Variants in ATL2 observed in about 807,000 individuals in gnomAD.
ATL2 encodes the protein atlastin GTPase 2, also known as atlastin-2.
ATL2 carries 31 observed loss-of-function variants against 73.9 expected under a neutral mutation model. The ratio of observed to expected loss-of-function variants is 0.42; its 90% CI spans 0.32 to 0.57. The LOEUF is 0.57. Ranked by LOEUF, ATL2 falls within the 20% of genes least tolerant of loss-of-function variation. ATL2 has a pLI of 0.14. For missense variants in ATL2, 738 were observed against 702.6 expected (o/e 1.05, Z -0.57); for synonymous variants, 291 against 237.5 (o/e 1.23, Z -2.07).
intron 1 of ATL2, among the ~76,000 whole-genome samples, chr2:38,375,507 C>G (rs1323816224): frequency 6.6e-6 from 1 of 152,156 alleles, no homozygotes; most frequent in African/African-American, 2.4e-5. Context: ...AGAGTATCAT[C>G]TCTTCTCAAG....
chr2:38,317,330 A>C (rs182527485), intron 4 of ATL2, among the ~76,000 whole-genome samples: 1 of 152,288 alleles, frequency 6.6e-6, no homozygotes, highest in East Asian at 1.9e-4. Flanking sequence ...TTTTTCAGAG[A>C]TGTATCAGCC....
chr2:38,367,929 G>A (rs572878776), intron 1 of ATL2, among the ~76,000 whole-genome samples: 4 of 150,058 alleles, frequency 2.7e-5, no homozygotes, highest in African/African-American at 7.4e-5. Context: ...CACCACGCCC[G>A]GCCTAAAACA....
chr2:38,298,024 A>G, intron 12 of ATL2, 120 bp downstream of exon 12: 1 of 909,874 alleles, frequency 1.1e-6, no homozygotes, highest in Non-Finnish European at 1.7e-6. Context: ...TGAACAAAAC[A>G]GAAGACATCC....
intron 7 of ATL2, 23 bp from the exon 8 acceptor site, chr2:38,310,470 G>T: frequency 6.3e-7 from 1 of 1,575,300 alleles, no homozygotes; most frequent in Non-Finnish European, 8.6e-7. Flanking sequence ...AGAGACAGGT[G>T]AAATTGTAAA....
intron 9 of ATL2, among the ~76,000 whole-genome samples, chr2:38,307,732 T>C (rs537516464): frequency 6.6e-6 from 1 of 151,980 alleles, no homozygotes; most frequent in East Asian, 2.0e-4. Context: ...AACCAGACTA[T>C]ATAAGGAGTT....
At chr2:38,353,265 T>C (rs1670463168) in intron 1 of ATL2, among the ~76,000 whole-genome samples, 1 of 151,978 alleles carries the variant, frequency 6.6e-6, no homozygotes, top group Non-Finnish European at 1.5e-5. Flanking sequence ...TAGAAACTAT[T>C]AAAAAACAAA....
intron 1 of ATL2, among the ~76,000 whole-genome samples, chr2:38,368,251 T>A (rs114207388): frequency 0.12 from 18,319 of 150,062 alleles, 3,266 homozygotes; most frequent in African/African-American, 0.4. Context: ...TAAGGACTTT[T>A]TTTTTTTTTT....
intron 12 of ATL2, among the ~76,000 whole-genome samples, chr2:38,296,970 A>T (rs990183750): frequency 7.9e-5 from 12 of 152,340 alleles, no homozygotes; most frequent in Admixed American, 2.0e-4. Flanking sequence ...AAAATAGCTA[A>T]TTTTTTCTTA....
intron 7 of ATL2, among the ~76,000 whole-genome samples, chr2:38,311,802 A>G (rs1013203612): frequency 4.6e-5 from 7 of 152,234 alleles, no homozygotes; most frequent in Non-Finnish European, 7.3e-5. Flanking sequence ...GAATATATGT[A>G]TAACATTTCA....
chr2:38,377,113 C>A, intron 1 of ATL2, 30 bp downstream of exon 1: 2 of 1,597,686 alleles, frequency 1.3e-6, no homozygotes, highest in South Asian at 2.2e-5. Context: ...CCCATCAGGG[C>A]CCCGCGGCCT....
In ATL2 at chr2:38,294,453, C is replaced by T. The variant is rs903799066; in HGVS notation, c.*1541G>A. Reference sequence around the variant, plus strand: ...GTCCCAGCTACTCAGGAGGCTGAGGCGGGAGAATCACTTGAACCCAGGAGG... The same window carrying T: ...GTCCCAGCTACTCAGGAGGCTGAGGTGGGAGAATCACTTGAACCCAGGAGG... On this transcript the variant is annotated 3_prime_UTR_variant, in exon 13 of 13. Transcript: ENST00000378954. 5.3e-5 allele frequency among the ~76,000 whole-genome samples: 8 copies of T among 152,036 alleles called. No homozygotes were observed. Among genetic ancestry groups the T allele is most frequent in the African/African-American group, 1.5e-4 (6 of 41,378 alleles).
intron 1 of ATL2, among the ~76,000 whole-genome samples, chr2:38,372,537 T>A (rs1202489536): frequency 1.3e-5 from 2 of 152,172 alleles, no homozygotes; most frequent in East Asian, 3.8e-4. Context: ...GAAACTGCCA[T>A]AACCTTAAAC....
At chr2:38,339,291 G>C (rs1669557713) in intron 2 of ATL2, among the ~76,000 whole-genome samples, 1 of 152,074 alleles carries the variant, frequency 6.6e-6, no homozygotes, top group African/African-American at 2.4e-5. Flanking sequence ...AGACATGACA[G>C]CTAAATCTAG....
At chr2:38,372,550 T>G (rs1258237770) in intron 1 of ATL2, among the ~76,000 whole-genome samples, 11 of 152,138 alleles carry the variant, frequency 7.2e-5, no homozygotes, top group Non-Finnish European at 1.5e-5. Context: ...CCTTAAACTA[T>G]GAAATTAACT....
At chr2:38,327,924 A>C (rs1430513084) in intron 2 of ATL2, among the ~76,000 whole-genome samples, 1 of 152,184 alleles carries the variant, frequency 6.6e-6, no homozygotes, top group Non-Finnish European at 1.5e-5. Context: ...TGAGAGAGTA[A>C]GATTCTGTCT....
intron 2 of ATL2, among the ~76,000 whole-genome samples, chr2:38,334,427 C>G (rs1669183950): frequency 6.6e-6 from 1 of 151,902 alleles, no homozygotes; most frequent in Admixed American, 6.6e-5. Flanking sequence ...CAAGGCCGGG[C>G]ACGGTGGCTC....
At chr2:38,316,693 T>C (rs1024359540) in intron 4 of ATL2, among the ~76,000 whole-genome samples, 1 of 152,060 alleles carries the variant, frequency 6.6e-6, no homozygotes, top group Non-Finnish European at 1.5e-5. Context: ...AACAACCACA[T>C]CCAAGATAGG....
chr2:38,325,746 ACACACACACACAC>A (rs1668618592), intron 2 of ATL2, among the ~76,000 whole-genome samples: 6 of 140,944 alleles, frequency 4.3e-5, no homozygotes, highest in Non-Finnish European at 7.8e-5. Flanking sequence ...ACACACACAC[ACACACACACACAC>A]ACCAGTCCCC....
intron 1 of ATL2, among the ~76,000 whole-genome samples, chr2:38,361,082 G>A (rs972924191): frequency 7.9e-5 from 12 of 152,032 alleles, no homozygotes; most frequent in Non-Finnish European, 1.2e-4. Context: ...AGCCAGGCGC[G>A]GTGGCTCATG....
Sources: gnomAD v4.1 joint callset for allele counts (sites outside exome capture counted in the v4.1 genomes callset) on GRCh38, gnomAD v4.1.1 for gene constraint, MANE v1.5 for transcripts, NCBI Gene and HGNC (gene_info 2026-07-23, HGNC 2026-07-21) for gene names.